The following LRRC73 variants were observed in gnomAD, a reference collection of about 807,000 sequenced individuals.
LRRC73 encodes leucine-rich repeat-containing protein 73.
In LRRC73, 16 loss-of-function variants were observed where a neutral mutation model predicts 26.4. That is an observed-to-expected ratio of 0.61 (90% CI 0.41 to 0.92). The LOEUF (loss-of-function observed/expected upper bound fraction) is 0.92. Ranked by LOEUF, LRRC73 falls within the 40% of genes least tolerant of loss-of-function variation. The pLI, the probability that LRRC73 is intolerant of heterozygous loss-of-function variation, is 0.00. For missense variants in LRRC73, 344 were observed against 416.3 expected (o/e 0.83, Z 1.51); for synonymous variants, 210 against 179.8 (o/e 1.17, Z -1.34).
chr6:43,509,885 G>A lies in LRRC73; in HGVS notation c.-100C>T, dbSNP rs113562760. 5.8e-3 allele frequency: 6,607 copies of A among 1,135,010 alleles called. 239 individuals are homozygous for A. In the African/African-American group the frequency reaches 0.087, roughly 15 times the overall value. 70.3% of individuals were successfully genotyped at this position (1,135,010 alleles called of 1,614,324 possible). On this transcript the variant is annotated 5_prime_UTR_variant, in exon 1 of 6. Coordinates refer to ENST00000372441, the Ensembl canonical transcript of LRRC73. ...GGCCGGGGTCGGGGCCCCGGCAGGG[G>A]TCGCGGGCGGAGTGGGGCCGGGGGT... is the stretch of plus-strand genomic sequence containing the variant.
exon 6 of LRRC73, chr6:43,507,166 T>C (rs2127680103): frequency 6.5e-7 from 1 of 1,535,152 alleles, no homozygotes; most frequent in South Asian, 1.2e-5. Context: ...TCCCAGGGCC[T>C]GACCCTGATA....
chr6:43,508,243 C>A, intron 3 of LRRC73, 55 bp downstream of exon 3: 2 of 1,555,990 alleles, frequency 1.3e-6, no homozygotes, highest in South Asian at 2.4e-5. Flanking sequence ...TGGTCCCAGG[C>A]TCTTGGATAG....
At chr6:43,510,184 C>A in exon 1 of LRRC73, 1 of 167,442 alleles carries the variant, frequency 6.0e-6, no homozygotes. Flanking sequence ...CGGCAGCGAG[C>A]GGCTCAAGGG....
At chr6:43,508,660 G>T in intron 2 of LRRC73, 100 bp downstream of exon 2, 1 of 1,477,918 alleles carries the variant, frequency 6.8e-7, no homozygotes, top group Non-Finnish European at 9.2e-7. Flanking sequence ...AGATGTTCTC[G>T]CCCACATCAT....
chr6:43,507,133 C>A (rs1792513856), exon 6 of LRRC73: 1 of 1,241,760 alleles, frequency 8.1e-7, no homozygotes, highest in African/African-American at 1.5e-5. Context: ...CCATGCAGCC[C>A]CTGACCCCAG....
exon 1 of LRRC73, chr6:43,509,888 G>T: frequency 9.1e-7 from 1 of 1,103,112 alleles, no homozygotes; most frequent in Non-Finnish European, 1.2e-6. Flanking sequence ...GGCAGGGGTC[G>T]CGGGCGGAGT....
intron 3 of LRRC73, 143 bp from the exon 4 acceptor site, chr6:43,508,069 T>C (rs184037658): frequency 1.0e-6 from 1 of 974,054 alleles, no homozygotes; most frequent in African/African-American, 1.6e-5. Flanking sequence ...AAGGGATCAT[T>C]GTGATTGGTG....
intron 3 of LRRC73, 152 bp from the exon 4 acceptor site, chr6:43,508,078 T>G (rs982976667): frequency 5.2e-6 from 5 of 969,582 alleles, no homozygotes; most frequent in Non-Finnish European, 7.6e-6. Context: ...TTGTGATTGG[T>G]GAGTGAAGGC....
Position 43,507,936 on chromosome 6 carries a change from C to T in LRRC73, c.557-10G>A. ...CCTGCCACATGGTCACCTGGGGAGA[C>T]AACACACGTGCACACATTCATACAC... is the stretch of plus-strand genomic sequence containing the variant. On this transcript the variant is annotated splice_polypyrimidine_tract_variant and intron_variant, in intron 3 of 5. Transcript: ENST00000372441. 3.7e-6 allele frequency: 6 copies of T among 1,611,662 alleles called. No individual in the cohort carries two copies. The highest frequency in any genetic ancestry group is 5.1e-6 in the Non-Finnish European group (6 of 1,178,096).
At position 43,508,458 on chromosome 6, in the gene LRRC73, G is replaced by T. The variant is rs536862306; in HGVS notation, c.434-38C>A. ...ATAGCAAGAAACCAGAATAGGGAGG[G>T]TTAAGCCCTCCTCCAGCCCTTCCCC... On this transcript the variant is annotated intron_variant, in intron 2 of 5. Coordinates refer to ENST00000372441, the Ensembl canonical transcript of LRRC73. 1.3e-5 allele frequency: 21 copies of T among 1,612,052 alleles called. No individual in the cohort carries two copies. In the Admixed American group the frequency reaches 3.5e-4, roughly 27 times the overall value.
chr6:43,509,852 G>A, exon 1 of LRRC73: 2 of 1,371,390 alleles, frequency 1.5e-6, no homozygotes, highest in Non-Finnish European at 1.9e-6. Context: ...GGGCGGGGCC[G>A]GGGATAGGGC....
Position 43,507,946 on chromosome 6 carries a change from G to A in LRRC73, c.557-20C>T, listed in dbSNP as rs762608372. The A allele has an allele frequency of 1.1e-5, 17 of 1,602,658 alleles. No individual in the cohort carries two copies. The highest frequency in any genetic ancestry group is 1.2e-5 in the Non-Finnish European group (14 of 1,170,508). ...GGTCACCTGGGGAGACAACACACGT[G>A]CACACATTCATACACATGCCTGCTA... On this transcript the variant is annotated intron_variant, in intron 3 of 5. Coordinates refer to ENST00000372441, the Ensembl canonical transcript of LRRC73.
chr6:43,508,764 T>G, exon 2 of LRRC73: 1 of 1,608,758 alleles, frequency 6.2e-7, no homozygotes, highest in Non-Finnish European at 8.5e-7. Flanking sequence ...GCTCACCAGA[T>G]TTGGCCCCAT....
At chr6:43,508,596 A>T (rs1022977612) in intron 2 of LRRC73, among the ~76,000 whole-genome samples, 164 bp downstream of exon 2, 3 of 152,074 alleles carry the variant, frequency 2.0e-5, no homozygotes, top group Non-Finnish European at 4.4e-5. Context: ...CCCAGCCTGG[A>T]TTCCTGAGTC....
Position 43,509,763 on chromosome 6 carries a change from A to G in LRRC73, c.23T>C (p.Ile8Thr), listed in dbSNP as rs1263252182. ...GGCGCCGGACAGCGGCTCCCCCGAAATCTGGATGGAGCTGGGCAGCATCGT... is the reference window on the plus strand; with the variant it reads ...GGCGCCGGACAGCGGCTCCCCCGAAGTCTGGATGGAGCTGGGCAGCATCGT... The change falls in exon 1 of 6, where the codon ATT (isoleucine) becomes ACT (threonine). Residue 8 changes from isoleucine (I) to threonine (T), a missense_variant. Coordinates refer to ENST00000372441, the Ensembl canonical transcript of LRRC73. 6.3e-7 allele frequency: 1 copy of G among 1,581,620 alleles called. No homozygotes were observed. The highest frequency in any genetic ancestry group is 1.7e-5 in the Admixed American group (1 of 58,816).
chr6:43,509,417 G>A (rs1792599098), intron 1 of LRRC73, 97 bp downstream of exon 1: 1 of 1,394,056 alleles, frequency 7.2e-7, no homozygotes, highest in Middle Eastern at 2.6e-4. Context: ...TGTGAAGGTA[G>A]GATGGTACTG....
At chr6:43,508,881 C>A in exon 2 of LRRC73, 1 of 1,611,800 alleles carries the variant, frequency 6.2e-7, no homozygotes, top group Non-Finnish European at 8.5e-7. Flanking sequence ...CTGGGTTCAG[C>A]AAGGCCAGCC....
Position 43,509,660 on chromosome 6 carries a change from G to A in LRRC73, c.126C>T (p.Asp42=), listed in dbSNP as rs1429387012. The change falls in exon 1 of 6, where the codon GAC becomes GAT. Residue 42 remains aspartate (D), a synonymous_variant. Coordinates refer to ENST00000372441, the Ensembl canonical transcript of LRRC73. ...CCCGGCAGATGCGGCCAAAGTCGCGGTCGCAGAGGCGGCAGCCGCGCAGTG... is the reference window on the plus strand; with the variant it reads ...CCCGGCAGATGCGGCCAAAGTCGCGATCGCAGAGGCGGCAGCCGCGCAGTG... The A allele has an allele frequency of 1.9e-6, 3 of 1,596,836 alleles. No homozygotes were observed. The Admixed American group carries it at 5.2e-5, about 28-fold the overall frequency.
At chr6:43,508,274 C>A (rs753133869) in intron 3 of LRRC73, 24 bp downstream of exon 3, 1 of 1,598,098 alleles carries the variant, frequency 6.3e-7, no homozygotes, top group South Asian at 1.1e-5. Context: ...AGTGACAGCC[C>A]AAGGGGGTAT....
Sources: allele counts gnomAD v4.1 joint callset (sites outside exome capture counted in the v4.1 genomes callset), GRCh38; gene constraint gnomAD v4.1.1; transcripts MANE v1.5; gene names NCBI Gene and HGNC (gene_info 2026-07-23, HGNC 2026-07-21).